C12orf42: variants seen among roughly 807,000 people sequenced by gnomAD.
The protein encoded by C12orf42 is chromosome 12 open reading frame 42.
In C12orf42, 25 loss-of-function variants were observed where a neutral mutation model predicts 21.6. The observed-to-expected ratio is 1.16, with a 90% CI of 0.84 to 1.62. The LOEUF is 1.62. C12orf42 is among the 40% of genes most tolerant of loss of function. C12orf42 has a pLI of 0.00. For missense variants in C12orf42, 483 were observed against 459.3 expected (o/e 1.05, Z -0.47); for synonymous variants, 174 against 175.0 (o/e 0.99, Z 0.05).
chr12:103,177,378 G>GTATC, the C12orf42 span, among the ~76,000 whole-genome samples: 1 of 152,264 alleles, frequency 6.6e-6, no homozygotes, highest in Non-Finnish European at 1.5e-5. Context: ...TTACCCCTAA[G>GTATC]TATCTACCTA....
intron 4 of C12orf42, among the ~76,000 whole-genome samples, chr12:103,338,922 G>A (rs2041945938): frequency 6.6e-6 from 1 of 152,066 alleles, no homozygotes; most frequent in East Asian, 1.9e-4. Flanking sequence ...CAGACACCTA[G>A]CCACAAGGCA....
chr12:103,148,372 G>A, the C12orf42 span, among the ~76,000 whole-genome samples: 2 of 152,104 alleles, frequency 1.3e-5, no homozygotes, highest in African/African-American at 2.4e-5. Flanking sequence ...TTTCATTCAA[G>A]CCACCCCCAT....
intron 4 of C12orf42, among the ~76,000 whole-genome samples, chr12:103,323,405 T>C (rs185661679): frequency 6.8e-4 from 104 of 152,370 alleles, no homozygotes; most frequent in African/African-American, 2.3e-3. Context: ...CCAGTCTTCA[T>C]GGTGAATTAT....
At chr12:103,377,219 T>C (rs1473596344) in intron 3 of C12orf42, among the ~76,000 whole-genome samples, 4 of 152,018 alleles carry the variant, frequency 2.6e-5, no homozygotes, top group Non-Finnish European at 5.9e-5. Context: ...CAGTGTCTTC[T>C]GAGCTTCTCT....
intron 3 of C12orf42, among the ~76,000 whole-genome samples, chr12:103,381,725 G>T (rs1360402202): frequency 2.0e-5 from 3 of 152,148 alleles, no homozygotes; most frequent in Admixed American, 2.0e-4. Context: ...AGACCATCCT[G>T]GCTAACATGG....
chr12:103,314,522 C>T (rs1364966492), intron 4 of C12orf42, among the ~76,000 whole-genome samples: 2 of 152,142 alleles, frequency 1.3e-5, no homozygotes, highest in Non-Finnish European at 2.9e-5. Flanking sequence ...TAAAAATCTT[C>T]TGGGGACCAG....
At chr12:103,472,296 C>T (rs902898131) in intron 2 of C12orf42, among the ~76,000 whole-genome samples, 40 of 151,976 alleles carry the variant, frequency 2.6e-4, no homozygotes, top group Admixed American at 1.3e-3. Flanking sequence ...CCTCGTGATC[C>T]GCCCGCCTCG....
downstream of C12orf42, among the ~76,000 whole-genome samples, chr12:103,265,644 T>C (rs1206816523): frequency 6.6e-6 from 1 of 152,168 alleles, no homozygotes; most frequent in African/African-American, 2.4e-5. Context: ...AAAATGTTCA[T>C]GGCATTAGCA....
At chr12:103,526,077 A>G in the C12orf42 span, among the ~76,000 whole-genome samples, 2 of 152,204 alleles carry the variant, frequency 1.3e-5, no homozygotes, top group South Asian at 4.1e-4. Flanking sequence ...TCTTTTAAGC[A>G]TCTCTGCTAG....
intron 3 of C12orf42, among the ~76,000 whole-genome samples, chr12:103,385,348 C>T (rs7967003): frequency 0.56 from 85,052 of 151,970 alleles, 25,317 homozygotes; most frequent in Admixed American, 0.68. Context: ...AAAATGTATA[C>T]GCCTGGAACT....
chr12:103,051,052 T>G, the C12orf42 span, among the ~76,000 whole-genome samples: 1 of 152,142 alleles, frequency 6.6e-6, no homozygotes, highest in Non-Finnish European at 1.5e-5. Context: ...AAAGAACAAT[T>G]TTCTGGAAAG....
chr12:103,053,101 A>G, the C12orf42 span, among the ~76,000 whole-genome samples: 2 of 152,016 alleles, frequency 1.3e-5, no homozygotes. Context: ...GTTATTCTAC[A>G]AGATTATCAT....
At chr12:103,294,407 A>AAGAG (rs1340353061) in intron 4 of C12orf42, among the ~76,000 whole-genome samples, 8 of 145,458 alleles carry the variant, frequency 5.5e-5, no homozygotes, top group African/African-American at 2.1e-4. Context: ...GAAAGAAAGA[A>AAGAG]AGAAAGAGAG....
chr12:103,254,982 TGTAA>T (rs1280763328), intron 10 of C12orf42, among the ~76,000 whole-genome samples: 10 of 152,206 alleles, frequency 6.6e-5, no homozygotes, highest in African/African-American at 2.2e-4. Flanking sequence ...ATATGTATTC[TGTAA>T]GTGTTTTATG....
At chr12:103,183,825 T>C in the C12orf42 span, among the ~76,000 whole-genome samples, 1 of 152,248 alleles carries the variant, frequency 6.6e-6, no homozygotes, top group African/African-American at 2.4e-5. Flanking sequence ...CTGTGATCTA[T>C]GGATTATTTA....
chr12:103,384,339 C>A (rs569174139), intron 3 of C12orf42, among the ~76,000 whole-genome samples: 1 of 152,138 alleles, frequency 6.6e-6, no homozygotes, highest in African/African-American at 2.4e-5. Flanking sequence ...GAGCCACCTA[C>A]GTCTGAGTTT....
chr12:103,430,410 G>A (rs1046928725), intron 2 of C12orf42, among the ~76,000 whole-genome samples: 4 of 152,272 alleles, frequency 2.6e-5, no homozygotes, highest in African/African-American at 9.6e-5. Context: ...AAACCACAAT[G>A]AGATACCATC....
At chr12:103,222,463 C>T in the C12orf42 span, among the ~76,000 whole-genome samples, 7 of 152,092 alleles carry the variant, frequency 4.6e-5, no homozygotes, top group Non-Finnish European at 8.8e-5. Context: ...TGGGGCAGGG[C>T]ATATTCACTT....
intron 4 of C12orf42, among the ~76,000 whole-genome samples, chr12:103,294,389 A>G (rs376536433): frequency 8.4e-6 from 1 of 118,772 alleles, no homozygotes. Context: ...AGAAAGAAGA[A>G]AAAGAAAGAA....
Sources: gnomAD v4.1 joint callset for allele counts (sites outside exome capture counted in the v4.1 genomes callset) on GRCh38, gnomAD v4.1.1 for gene constraint, MANE v1.5 for transcripts, NCBI Gene and HGNC (gene_info 2026-07-23, HGNC 2026-07-21) for gene names.